RANBP17: variants seen among roughly 807,000 people sequenced by gnomAD.
RANBP17 encodes RAN binding protein 17.
Under a neutral mutation model 141.2 loss-of-function variants are expected in RANBP17, and 158 were observed. The observed-to-expected ratio is 1.12, with a 90% CI of 0.98 to 1.28. RANBP17 has a LOEUF of 1.28. RANBP17 is among the 50% of genes most tolerant of loss of function. The pLI, the probability that RANBP17 is intolerant of heterozygous loss-of-function variation, is 0.00. For synonymous variants in RANBP17, 430 were observed against 450.0 expected, an observed-to-expected ratio of 0.96 and a Z score of 0.56; for missense variants, 1,438 against 1,290.7, an observed-to-expected ratio of 1.11 and a Z score of -1.75.
intron 14 of RANBP17, among the ~76,000 whole-genome samples, chr5:171,062,416 T>C (rs1386775656): frequency 2.6e-5 from 4 of 152,232 alleles, no homozygotes; most frequent in Non-Finnish European, 5.9e-5. Context: ...CCTTCACTTA[T>C]GAAGCTTAGT....
intron 14 of RANBP17, among the ~76,000 whole-genome samples, chr5:171,062,835 AT>A (rs1783994309): frequency 6.6e-6 from 1 of 151,988 alleles, no homozygotes; most frequent in African/African-American, 2.4e-5. Context: ...ATAGTCCCAT[AT>A]TTCTTGGAGG....
At chr5:170,958,111 T>C (rs1051222831) in intron 13 of RANBP17, among the ~76,000 whole-genome samples, 11 of 152,184 alleles carry the variant, frequency 7.2e-5, no homozygotes, top group Admixed American at 5.2e-4. Context: ...ACGAAACCAC[T>C]TGTGCCTCAG....
chr5:171,175,836 C>G (rs531194989), intron 16 of RANBP17, among the ~76,000 whole-genome samples: 1 of 151,370 alleles, frequency 6.6e-6, no homozygotes, highest in Admixed American at 6.6e-5. Context: ...TACTGTTAAC[C>G]GCAACAGTTC....
At chr5:171,243,279 T>C (rs1765003662) in intron 24 of RANBP17, among the ~76,000 whole-genome samples, 1 of 152,254 alleles carries the variant, frequency 6.6e-6, no homozygotes, top group Admixed American at 6.5e-5. Context: ...TTGTATAATA[T>C]GAAGTTATTT....
At chr5:170,991,243 T>A (rs1010647427) in intron 14 of RANBP17, among the ~76,000 whole-genome samples, 6 of 151,930 alleles carry the variant, frequency 3.9e-5, no homozygotes, top group Non-Finnish European at 5.9e-5. Flanking sequence ...GCATCAATTA[T>A]TTTTAATTGA....
At chr5:170,918,125 A>G (rs1368915267) in intron 9 of RANBP17, 1 of 151,920 alleles carries the variant, frequency 6.6e-6, no homozygotes, top group Non-Finnish European at 1.5e-5. Flanking sequence ...TACCTGGGTG[A>G]ATTTTGTTTT....
intron 14 of RANBP17, among the ~76,000 whole-genome samples, chr5:171,111,570 A>C (rs537348159): frequency 3.0e-4 from 46 of 152,170 alleles, no homozygotes; most frequent in African/African-American, 9.6e-4. Flanking sequence ...CATTTCTTTC[A>C]AAGTGAAACC....
In RANBP17 at chr5:171,213,699, C is replaced by T; in HGVS notation, c.2300C>T (p.Thr767Ile). Residue 767 changes from threonine to isoleucine, a missense_variant, in exon 21 of 28, where the codon ACT becomes ATT. Coordinates refer to ENST00000523189, the MANE Select transcript of RANBP17 (RefSeq NM_022897.5). ...ERWYGEPTCT[T>I]PILKLMAELM... ...TGGTATGGAGAGCCAACATGTACAA[C>T]TCCCATCTTGAAACTTATGGCAGAA... 2 of 1,613,720 alleles carry T rather than the reference C, an allele frequency of 1.2e-6. No individual in the cohort carries two copies. Among genetic ancestry groups the T allele is most frequent in the South Asian group, 2.2e-5 (2 of 91,052 alleles).
At chr5:171,011,136 A>G (rs997207694) in intron 14 of RANBP17, among the ~76,000 whole-genome samples, 1 of 152,128 alleles carries the variant, frequency 6.6e-6, no homozygotes, top group Admixed American at 6.5e-5. Flanking sequence ...CATGAGCACA[A>G]ATACAAAAAT....
At chr5:171,180,582 G>C (rs1450684027) in intron 16 of RANBP17, among the ~76,000 whole-genome samples, 2 of 152,152 alleles carry the variant, frequency 1.3e-5, no homozygotes, top group Non-Finnish European at 2.9e-5. Context: ...AATAAGATCA[G>C]AGTGTAAAGA....
intron 1 of RANBP17, among the ~76,000 whole-genome samples, chr5:170,870,291 T>A (rs746125943): frequency 3.9e-5 from 6 of 152,132 alleles, no homozygotes; most frequent in Non-Finnish European, 7.3e-5. Flanking sequence ...CCGTGGTGGT[T>A]TGCCGCACCT....
chr5:171,055,560 G>A (rs1391762765), intron 14 of RANBP17, among the ~76,000 whole-genome samples: 1 of 151,960 alleles, frequency 6.6e-6, no homozygotes, highest in Admixed American at 6.6e-5. Context: ...TTCCAAAAAG[G>A]AATCTCAAAC....
chr5:171,006,346 C>T (rs1317102853), intron 14 of RANBP17, among the ~76,000 whole-genome samples: 1 of 152,096 alleles, frequency 6.6e-6, no homozygotes, highest in Non-Finnish European at 1.5e-5. Flanking sequence ...GGAACCAAGC[C>T]AAATGTCCAG....
intron 25 of RANBP17, among the ~76,000 whole-genome samples, chr5:171,272,287 C>A (rs536939928): frequency 6.6e-6 from 1 of 152,158 alleles, no homozygotes; most frequent in African/African-American, 2.4e-5. Flanking sequence ...CACCAGACCC[C>A]TGTGACATGT....
intron 11 of RANBP17, among the ~76,000 whole-genome samples, 178 bp from the exon 12 acceptor site, chr5:170,924,179 G>A (rs528923244): frequency 2.6e-5 from 4 of 151,892 alleles, no homozygotes; most frequent in Admixed American, 6.6e-5. Context: ...TGTATTTTTA[G>A]AGTCAGGATT....
At chr5:171,118,202 C>A (rs1343280311) in intron 14 of RANBP17, among the ~76,000 whole-genome samples, 6 of 152,080 alleles carry the variant, frequency 3.9e-5, no homozygotes, top group African/African-American at 1.4e-4. Flanking sequence ...TTTCGTACTT[C>A]AGCATTAATT....
intron 3 of RANBP17, among the ~76,000 whole-genome samples, chr5:170,884,919 A>G (rs1404661752): frequency 6.9e-6 from 1 of 145,294 alleles, no homozygotes; most frequent in Non-Finnish European, 1.5e-5. Context: ...TCATCTGTAA[A>G]TTCTGATGTT....
At chr5:170,921,446 T>C (rs1772455813) in intron 11 of RANBP17, among the ~76,000 whole-genome samples, 1 of 151,874 alleles carries the variant, frequency 6.6e-6, no homozygotes, top group Non-Finnish European at 1.5e-5. Context: ...CATTGGTCTA[T>C]ATATCTGTTT....
chr5:171,055,109 T>A (rs1783251461), intron 14 of RANBP17, among the ~76,000 whole-genome samples: 1 of 152,050 alleles, frequency 6.6e-6, no homozygotes, highest in Non-Finnish European at 1.5e-5. Flanking sequence ...ATAAGCAAAA[T>A]TATCCCAAGT....
Sources: gnomAD v4.1 joint callset for allele counts (sites outside exome capture counted in the v4.1 genomes callset) on GRCh38, gnomAD v4.1.1 for gene constraint, MANE v1.5 for transcripts, NCBI Gene and HGNC (gene_info 2026-07-23, HGNC 2026-07-21) for gene names.